The following PPCDC variants were observed in gnomAD, a reference collection of about 807,000 sequenced individuals.
PPCDC encodes the protein phosphopantothenoylcysteine decarboxylase.
A neutral mutation model predicts 20.7 loss-of-function variants in PPCDC; 20 were observed. The ratio of observed to expected loss-of-function variants is 0.97; its 90% CI spans 0.68 to 1.41. The LOEUF is 1.41. Among genes scored for constraint, PPCDC ranks in the 40% most tolerant of loss-of-function variants. PPCDC has a pLI of 0.00. For synonymous variants in PPCDC, 88 were observed against 100.3 expected (o/e 0.88, Z 0.73); for missense variants, 246 against 263.8 (o/e 0.93, Z 0.47).
At chr15:75,025,071 C>T (rs915263728) in intron 1 of PPCDC, among the ~76,000 whole-genome samples, 2 of 152,152 alleles carry the variant, frequency 1.3e-5, no homozygotes, top group Admixed American at 1.3e-4. Flanking sequence ...GCATGTGCCA[C>T]CACACCTCAC....
intron 4 of PPCDC, 183 bp downstream of exon 4, chr15:75,044,697 C>A: frequency 1.3e-6 from 1 of 794,772 alleles, no homozygotes; most frequent in East Asian, 3.1e-5. Flanking sequence ...ATGGGCACAG[C>A]CCTGGTCCTG....
intron 2 of PPCDC, among the ~76,000 whole-genome samples, chr15:75,037,370 G>A (rs2066098041): frequency 6.6e-6 from 1 of 152,190 alleles, no homozygotes; most frequent in East Asian, 1.9e-4. Context: ...AGGCTCGAGA[G>A]GGCTGTTTTA....
intron 2 of PPCDC, among the ~76,000 whole-genome samples, chr15:75,036,703 G>A (rs2066089026): frequency 6.6e-6 from 1 of 152,120 alleles, no homozygotes; most frequent in South Asian, 2.1e-4. Flanking sequence ...GGGCCTAAAG[G>A]CTCTGAGACC....
chr15:75,030,577 AGTG>A (rs2066009494), intron 2 of PPCDC, among the ~76,000 whole-genome samples: 2 of 152,066 alleles, frequency 1.3e-5, no homozygotes, highest in African/African-American at 2.4e-5. Context: ...TGTTGGCCCC[AGTG>A]GTGGCGTCTA....
intron 2 of PPCDC, among the ~76,000 whole-genome samples, chr15:75,040,927 G>A (rs930794905): frequency 6.6e-6 from 1 of 152,220 alleles, no homozygotes; most frequent in Non-Finnish European, 1.5e-5. Flanking sequence ...GCCTTCCAAA[G>A]TGCTGGGATT....
At chr15:75,028,096 C>T in intron 1 of PPCDC, 151 bp from the exon 2 acceptor site, 1 of 567,572 alleles carries the variant, frequency 1.8e-6, no homozygotes. Flanking sequence ...GGGAAGGTGT[C>T]TCACTTTCTT....
chr15:75,036,724 G>C (rs1190679199), intron 2 of PPCDC, among the ~76,000 whole-genome samples: 2 of 152,210 alleles, frequency 1.3e-5, no homozygotes, highest in African/African-American at 4.8e-5. Flanking sequence ...TTGAGTGACG[G>C]TGTAGGGAAG....
chr15:75,023,930 A>T (rs929898730), intron 1 of PPCDC, among the ~76,000 whole-genome samples: 1 of 152,102 alleles, frequency 6.6e-6, no homozygotes, highest in African/African-American at 2.4e-5. Context: ...TTATTTGTCC[A>T]GTGTCGTTTA....
intron 4 of PPCDC, among the ~76,000 whole-genome samples, chr15:75,048,072 C>G (rs765272872): frequency 6.6e-6 from 1 of 152,140 alleles, no homozygotes; most frequent in Non-Finnish European, 1.5e-5. Flanking sequence ...TATAAGGTCT[C>G]AGTGAGGGTT....
chr15:75,039,520 CCT>C (rs1372288473), intron 2 of PPCDC, among the ~76,000 whole-genome samples: 1 of 152,170 alleles, frequency 6.6e-6, no homozygotes, highest in Non-Finnish European at 1.5e-5. Flanking sequence ...GTCAGGAAGT[CCT>C]CCTGTATTCA....
chr15:75,023,799 C>G (rs1238486141), intron 1 of PPCDC, among the ~76,000 whole-genome samples, 173 bp downstream of exon 1: 1 of 152,220 alleles, frequency 6.6e-6, no homozygotes, highest in Non-Finnish European at 1.5e-5. Context: ...GGCCGTCCAT[C>G]TGTGCGACCT....
At chr15:75,048,459 C>G in intron 4 of PPCDC, 94 bp from the exon 5 acceptor site, 1 of 1,513,876 alleles carries the variant, frequency 6.6e-7, no homozygotes, top group Non-Finnish European at 8.9e-7. Context: ...CATCTCAAGC[C>G]TACAGCTGGG....
At chr15:75,025,637 G>A (rs996563082) in intron 1 of PPCDC, among the ~76,000 whole-genome samples, 2 of 152,156 alleles carry the variant, frequency 1.3e-5, no homozygotes, top group Admixed American at 6.5e-5. Context: ...TAATCAAAGC[G>A]TGTAGCCCTA....
chr15:75,036,236 A>C (rs2066083536), intron 2 of PPCDC, among the ~76,000 whole-genome samples: 1 of 152,236 alleles, frequency 6.6e-6, no homozygotes, highest in South Asian at 2.1e-4. Context: ...GTATCATAGA[A>C]GATAACACAT....
At chr15:75,027,564 C>G (rs992471889) in intron 1 of PPCDC, among the ~76,000 whole-genome samples, 16 of 152,096 alleles carry the variant, frequency 1.1e-4, no homozygotes, top group African/African-American at 3.9e-4. Context: ...TCCCTGTTGC[C>G]CAGGGTTCCA....
intron 2 of PPCDC, among the ~76,000 whole-genome samples, chr15:75,039,290 T>G (rs1222461979): frequency 6.6e-6 from 1 of 152,200 alleles, no homozygotes; most frequent in Non-Finnish European, 1.5e-5. Context: ...GGTTATTTGT[T>G]TTTTCCAGAA....
intron 2 of PPCDC, among the ~76,000 whole-genome samples, chr15:75,036,155 G>T (rs1226435593): frequency 6.6e-6 from 1 of 152,146 alleles, no homozygotes; most frequent in Admixed American, 6.5e-5. Context: ...GGGAGTTTCT[G>T]CCCTGCCAGG....
At position 75,048,633 on chromosome 15, in the gene PPCDC, G is replaced by T. The variant is rs781285392; in HGVS notation, c.441G>T (p.Pro147=). 9.9e-6 allele frequency: 16 copies of T among 1,614,236 alleles called. No homozygotes were observed. The East Asian group carries it at 3.1e-4, about 31-fold the overall frequency. The change falls in exon 5 of 6, where the codon CCG becomes CCT. Residue 147 remains proline (P), a synonymous_variant. Transcript: ENST00000342932. Reference sequence around the variant, plus strand: ...TGAACACCGCCATGTGGGAGCACCCGATCACAGCGCAGCAGGTAGACCAGC... The same window carrying T: ...TGAACACCGCCATGTGGGAGCACCCTATCACAGCGCAGCAGGTAGACCAGC... ...PAMNTAMWEH[P]ITAQQVDQLK...
intron 3 of PPCDC, among the ~76,000 whole-genome samples, 172 bp from the exon 4 acceptor site, chr15:75,044,214 G>A (rs1213866876): frequency 1.3e-5 from 2 of 152,096 alleles, no homozygotes; most frequent in Non-Finnish European, 2.9e-5. Flanking sequence ...TGGTTCTCTC[G>A]GCTGCTGGCT....
Sources: gnomAD v4.1 joint callset for allele counts (sites outside exome capture counted in the v4.1 genomes callset) on GRCh38, gnomAD v4.1.1 for gene constraint, MANE v1.5 for transcripts, NCBI Gene and HGNC (gene_info 2026-07-23, HGNC 2026-07-21) for gene names.